Variants in KCNH8 observed in about 807,000 individuals in gnomAD.
KCNH8 encodes potassium voltage-gated channel subfamily H member 8.
In KCNH8, 70 loss-of-function variants were observed where a neutral mutation model predicts 103.6. That is an observed-to-expected ratio of 0.68 (90% CI 0.56 to 0.82). KCNH8 has a LOEUF of 0.82. Among genes scored for constraint, KCNH8 ranks in the 40% least tolerant of loss-of-function variants. The pLI is 0.00. For synonymous variants in KCNH8, 498 were observed against 489.4 expected, an observed-to-expected ratio of 1.02 and a Z score of -0.23; for missense variants, 1,217 against 1,329.9, an observed-to-expected ratio of 0.92 and a Z score of 1.32.
At chr3:19,198,697 T>C (rs1392047838) in intron 1 of KCNH8, among the ~76,000 whole-genome samples, 1 of 151,618 alleles carries the variant, frequency 6.6e-6, no homozygotes, top group Non-Finnish European at 1.5e-5. Flanking sequence ...AAACAACCAT[T>C]ATAACAACCA....
At chr3:19,227,478 A>G (rs137987346) in intron 1 of KCNH8, among the ~76,000 whole-genome samples, 5 of 152,292 alleles carry the variant, frequency 3.3e-5, no homozygotes, top group East Asian at 1.9e-4. Flanking sequence ...CAACATCACT[A>G]TGGATTATAT....
chr3:19,527,291 T>C (rs996340623), intron 15 of KCNH8, among the ~76,000 whole-genome samples: 1 of 152,070 alleles, frequency 6.6e-6, no homozygotes, highest in Admixed American at 6.6e-5. Context: ...GGCAGAAGAA[T>C]AGTTATAGAG....
rs767972129 is a variant in KCNH8 at position 19,513,241 on chromosome 3, C to A, written c.2351C>A (p.Pro784His). The A allele has an allele frequency of 1.2e-6, 2 of 1,613,672 alleles. No individual in the cohort carries two copies. The highest frequency in any genetic ancestry group is 2.7e-5 in the African/African-American group (2 of 74,868). Reference protein sequence around the residue: ...SPKTKQEIDPPNHNKRKEKNL... With the variant: ...SPKTKQEIDPHNHNKRKEKNL... The stretch of plus-strand genomic sequence containing the variant: ...AAAACCAAGCAGGAAATTGACCCCC[C>A]CAACCATAATAAAAGGAAAGAGAAG... Residue 784 changes from proline (P) to histidine (H), a missense_variant, in exon 13 of 16, where the codon CCC becomes CAC. Physicochemically the swap from Pro to His is moderately conservative, Grantham distance 77. Around this residue, in one of 3 missense-constraint regions of KCNH8, gnomAD observed 558 missense variants for 495.8 expected, o/e 1.13. Coordinates refer to ENST00000328405, the MANE Select transcript of KCNH8 (RefSeq NM_144633.3).
chr3:19,402,655 C>T (rs937819668), intron 7 of KCNH8, among the ~76,000 whole-genome samples: 18 of 151,830 alleles, frequency 1.2e-4, no homozygotes, highest in Non-Finnish European at 1.6e-4. Context: ...GTGTTCTCCA[C>T]GATACTGATC....
intron 1 of KCNH8, among the ~76,000 whole-genome samples, chr3:19,204,957 A>G (rs1414896264): frequency 6.6e-6 from 1 of 152,086 alleles, no homozygotes; most frequent in East Asian, 1.9e-4. Flanking sequence ...TGTCAAATGA[A>G]GAAGTACAAA....
intron 7 of KCNH8, among the ~76,000 whole-genome samples, chr3:19,409,303 A>G (rs1416685992): frequency 2.6e-5 from 4 of 152,200 alleles, no homozygotes; most frequent in Non-Finnish European, 5.9e-5. Context: ...AATATTTTAC[A>G]GACAAGCAAG....
chr3:19,519,713 T>C (rs1436634848), intron 15 of KCNH8, among the ~76,000 whole-genome samples: 2 of 151,786 alleles, frequency 1.3e-5, no homozygotes, highest in Non-Finnish European at 2.9e-5. Context: ...CAACTCCCCG[T>C]TGGAGAACTG....
chr3:19,480,118 C>T (rs780159922), intron 11 of KCNH8, among the ~76,000 whole-genome samples: 3 of 152,186 alleles, frequency 2.0e-5, no homozygotes, highest in South Asian at 2.1e-4. Context: ...CTATGCACCA[C>T]GTAAACAATG....
chr3:19,410,599 C>G lies in KCNH8; in HGVS notation c.1177+15288C>G, dbSNP rs185413384. On this transcript the variant is annotated intron_variant, in intron 7 of 15. Coordinates refer to ENST00000328405, the MANE Select transcript of KCNH8 (RefSeq NM_144633.3). ...TAATCCATTTAAAAAATCAACCAAA[C>G]CAAAATTTAGTTTCTTAAGAAATAA... is the stretch of plus-strand genomic sequence containing the variant. Among the ~76,000 whole-genome samples the G allele has an allele frequency of 8.6e-4, 130 of 151,722 alleles. 2 individuals carry two copies. The highest frequency in any genetic ancestry group is 3.9e-3 in the Admixed American group (60 of 15,236).
At chr3:19,439,738 G>GATATAATAA (rs2067251383) in intron 8 of KCNH8, among the ~76,000 whole-genome samples, 1 of 151,826 alleles carries the variant, frequency 6.6e-6, no homozygotes. Context: ...TCTTAGAAAA[G>GATATAATAA]ATATAATAAC....
chr3:19,258,702 A>G (rs1484402819), intron 2 of KCNH8, among the ~76,000 whole-genome samples: 1 of 151,772 alleles, frequency 6.6e-6, no homozygotes, highest in African/African-American at 2.4e-5. Context: ...AGAAAATCTT[A>G]TTAGTGGCTC....
chr3:19,363,710 C>T (rs77234479), intron 5 of KCNH8, among the ~76,000 whole-genome samples: 3,281 of 152,178 alleles, frequency 0.022, 131 homozygotes, highest in African/African-American at 0.075. Flanking sequence ...CAAAAAGGTA[C>T]TTTAATTCTA....
At chr3:19,175,809 C>A (rs2125197550) in intron 1 of KCNH8, among the ~76,000 whole-genome samples, 1 of 152,156 alleles carries the variant, frequency 6.6e-6, no homozygotes, top group East Asian at 1.9e-4. Flanking sequence ...AGTGTAAAGG[C>A]TGAATATAAA....
At chr3:19,152,839 G>A (rs1350751934) in intron 1 of KCNH8, among the ~76,000 whole-genome samples, 1 of 152,120 alleles carries the variant, frequency 6.6e-6, no homozygotes, top group African/African-American at 2.4e-5. Flanking sequence ...GGGAGGCTGA[G>A]GCAGGAGAAT....
chr3:19,350,421 C>T (rs1313892942), intron 5 of KCNH8, among the ~76,000 whole-genome samples: 2 of 152,138 alleles, frequency 1.3e-5, no homozygotes, highest in Non-Finnish European at 2.9e-5. Context: ...AACGGAAAGA[C>T]TGCCTCCTCA....
At chr3:19,487,580 G>A (rs529617419) in intron 11 of KCNH8, among the ~76,000 whole-genome samples, 12 of 152,240 alleles carry the variant, frequency 7.9e-5, no homozygotes, top group African/African-American at 2.6e-4. Flanking sequence ...CTGTGAGTAC[G>A]GGTGCTTGAT....
At chr3:19,236,382 C>T (rs1351571867) in intron 1 of KCNH8, among the ~76,000 whole-genome samples, 1 of 152,144 alleles carries the variant, frequency 6.6e-6, no homozygotes, top group Admixed American at 6.5e-5. Context: ...TCTCTTCTTA[C>T]GTCATCGTGT....
intron 4 of KCNH8, among the ~76,000 whole-genome samples, chr3:19,346,266 A>G (rs998917103): frequency 4.6e-5 from 7 of 152,070 alleles, no homozygotes; most frequent in Non-Finnish European, 1.0e-4. Context: ...GAGAAGCCCA[A>G]CGGGGCTACT....
At chr3:19,460,533 G>C (rs894682486) in intron 11 of KCNH8, among the ~76,000 whole-genome samples, 1 of 152,118 alleles carries the variant, frequency 6.6e-6, no homozygotes, top group Non-Finnish European at 1.5e-5. Flanking sequence ...TAGTTGGTAA[G>C]GATGGTCCTT....
Sources: gnomAD v4.1 joint callset for allele counts (sites outside exome capture counted in the v4.1 genomes callset) on GRCh38, gnomAD v4.1.1 for gene constraint, gnomAD v4.1.1 regional missense constraint, MANE v1.5 for transcripts, NCBI Gene and HGNC (gene_info 2026-07-23, HGNC 2026-07-21) for gene names.